Variants in PCDH9 observed in about 807,000 individuals in gnomAD.
The protein encoded by PCDH9 is protocadherin 9, also known as protocadherin-9.
Under a neutral mutation model 70.6 loss-of-function variants are expected in PCDH9, and 24 were observed. The ratio of observed to expected loss-of-function variants is 0.34; its 90% CI spans 0.25 to 0.48. The LOEUF is 0.48. Among genes scored for constraint, PCDH9 ranks in the 20% least tolerant of loss-of-function variants. PCDH9 has a pLI of 0.99. For synonymous variants in PCDH9, 562 were observed against 558.5 expected (o/e 1.01, Z -0.09); for missense variants, 1,281 against 1,503.6 (o/e 0.85, Z 2.45).
Position 66,443,314 on chromosome 13 carries a change from A to G in PCDH9, c.3341-138286T>C, listed in dbSNP as rs533366706. ...GATTTATATATGTGCTGCTGAAGTGAGCAAAATGATGAATTTTAATGGTCA... is the reference window on the plus strand; with the variant it reads ...GATTTATATATGTGCTGCTGAAGTGGGCAAAATGATGAATTTTAATGGTCA... On this transcript the variant is annotated intron_variant, in intron 4 of 4. Coordinates refer to ENST00000377865, the MANE Select transcript of PCDH9 (RefSeq NM_203487.3). 1.4e-3 allele frequency among the ~76,000 whole-genome samples: 216 copies of G among 152,308 alleles called. 1 individual carries two copies. The highest frequency in any genetic ancestry group is 2.5e-3 in the Non-Finnish European group (171 of 68,026).
intron 3 of PCDH9, among the ~76,000 whole-genome samples, chr13:66,865,327 C>T (rs2081554820): frequency 1.3e-5 from 2 of 152,058 alleles, no homozygotes; most frequent in South Asian, 4.1e-4. Context: ...ACCAACAGGC[C>T]ATTCAATTCC....
intron 4 of PCDH9, among the ~76,000 whole-genome samples, chr13:66,318,668 T>A (rs905921476): frequency 4.6e-5 from 7 of 152,168 alleles, no homozygotes; most frequent in African/African-American, 1.7e-4. Context: ...AAATCCTGTA[T>A]CTAGAAGAAA....
At chr13:66,869,760 C>T (rs2081640493) in intron 3 of PCDH9, among the ~76,000 whole-genome samples, 3 of 152,082 alleles carry the variant, frequency 2.0e-5, no homozygotes, top group South Asian at 4.1e-4. Flanking sequence ...CCACGTCAAC[C>T]CCCAGCACAC....
At chr13:66,806,126 G>T (rs184041987) in intron 3 of PCDH9, among the ~76,000 whole-genome samples, 3 of 152,172 alleles carry the variant, frequency 2.0e-5, no homozygotes, top group African/African-American at 7.2e-5. Context: ...ACATCTCTCT[G>T]TACATATTCA....
chr13:67,134,133 T>G (rs1206571184), intron 2 of PCDH9, among the ~76,000 whole-genome samples: 1 of 152,144 alleles, frequency 6.6e-6, no homozygotes, highest in Admixed American at 6.6e-5. Context: ...TCCAGGTGTT[T>G]TTGATATCAC....
chr13:66,514,280 A>T (rs577290803), intron 4 of PCDH9, among the ~76,000 whole-genome samples: 2 of 152,024 alleles, frequency 1.3e-5, no homozygotes, highest in Non-Finnish European at 2.9e-5. Context: ...AATAAAATCT[A>T]TTTTTTGGAC....
intron 4 of PCDH9, among the ~76,000 whole-genome samples, chr13:66,616,733 A>T (rs575705765): frequency 6.6e-6 from 1 of 152,236 alleles, no homozygotes; most frequent in Admixed American, 6.5e-5. Flanking sequence ...AGCACCATGC[A>T]CCCAAATCTT....
At chr13:66,510,137 C>T (rs1475660943) in intron 4 of PCDH9, among the ~76,000 whole-genome samples, 2 of 152,026 alleles carry the variant, frequency 1.3e-5, no homozygotes, top group African/African-American at 2.4e-5. Context: ...CAACTCAACA[C>T]TTACACTGAG....
intron 2 of PCDH9, chr13:67,217,899 G>C (rs2089643533): frequency 6.6e-6 from 1 of 152,004 alleles, no homozygotes; most frequent in Admixed American, 6.6e-5. Context: ...TGAATAATTA[G>C]AATCATCCAA....
intron 3 of PCDH9, among the ~76,000 whole-genome samples, chr13:66,813,619 G>GA (rs1475896543): frequency 6.6e-6 from 1 of 151,902 alleles, no homozygotes; most frequent in Admixed American, 6.6e-5. Flanking sequence ...AAATCTGAAA[G>GA]AAAAAATATA....
chr13:66,923,864 A>G (rs1338042617), intron 2 of PCDH9, among the ~76,000 whole-genome samples: 2 of 151,794 alleles, frequency 1.3e-5, no homozygotes, highest in East Asian at 1.9e-4. Context: ...TTTACTAACT[A>G]TAAACTATTT....
At chr13:67,142,558 A>G (rs902692870) in intron 2 of PCDH9, among the ~76,000 whole-genome samples, 1 of 152,202 alleles carries the variant, frequency 6.6e-6, no homozygotes, top group Non-Finnish European at 1.5e-5. Context: ...GTATGTGCTC[A>G]ATAGAATGTG....
chr13:66,758,694 T>C (rs2079574896), intron 3 of PCDH9, among the ~76,000 whole-genome samples: 1 of 152,032 alleles, frequency 6.6e-6, no homozygotes, highest in African/African-American at 2.4e-5. Flanking sequence ...TGAGAATAAT[T>C]GGTATTAATT....
chr13:67,149,525 C>T (rs2087606563), intron 2 of PCDH9, among the ~76,000 whole-genome samples: 1 of 151,794 alleles, frequency 6.6e-6, no homozygotes, highest in Admixed American at 6.6e-5. Flanking sequence ...GGAAACAAAT[C>T]TGAACAAAAC....
intron 2 of PCDH9, chr13:67,220,199 GAAATAAGATTAC>G (rs1247077216): frequency 6.6e-6 from 1 of 151,658 alleles, no homozygotes; most frequent in East Asian, 1.9e-4. Flanking sequence ...AATTGTTGTG[GAAATAAGATTAC>G]AGAAAACAAA....
At chr13:66,501,079 G>T (rs975017205) in intron 4 of PCDH9, among the ~76,000 whole-genome samples, 3 of 151,982 alleles carry the variant, frequency 2.0e-5, no homozygotes, top group Admixed American at 1.3e-4. Context: ...TAATCACCAA[G>T]AACTTCTAAC....
chr13:66,440,302 T>G (rs1403386481), intron 4 of PCDH9, among the ~76,000 whole-genome samples: 2 of 152,108 alleles, frequency 1.3e-5, no homozygotes, highest in Non-Finnish European at 2.9e-5. Context: ...AGGCCAATTT[T>G]GAAGTCACTG....
At chr13:66,864,889 C>T (rs1248657254) in intron 3 of PCDH9, among the ~76,000 whole-genome samples, 1 of 152,212 alleles carries the variant, frequency 6.6e-6, no homozygotes, top group Non-Finnish European at 1.5e-5. Context: ...AACAAAAGTA[C>T]TAAGAAAGAA....
At chr13:66,962,114 T>C (rs958745392) in intron 2 of PCDH9, among the ~76,000 whole-genome samples, 4 of 152,138 alleles carry the variant, frequency 2.6e-5, no homozygotes, top group Admixed American at 2.0e-4. Flanking sequence ...CTTTGGCTAA[T>C]AAAAATTGTA....
Sources: allele counts gnomAD v4.1 joint callset (sites outside exome capture counted in the v4.1 genomes callset), GRCh38; gene constraint gnomAD v4.1.1; transcripts MANE v1.5; gene names NCBI Gene and HGNC (gene_info 2026-07-23, HGNC 2026-07-21).